Variants in STON2 observed in about 807,000 individuals in gnomAD.
STON2 encodes stonin-2.
A neutral mutation model predicts 65.7 loss-of-function variants in STON2; 29 were observed. That is an observed-to-expected ratio of 0.44 (90% confidence interval 0.33 to 0.60). STON2 has a LOEUF of 0.60. STON2 is among the 20% of genes least tolerant of loss of function. STON2 has a pLI of 0.03. For missense variants in STON2, 1,054 were observed against 1,118.1 expected, an observed-to-expected ratio of 0.94 and a Z score of 0.82; for synonymous variants, 404 against 414.2, an observed-to-expected ratio of 0.98 and a Z score of 0.30.
At chr14:81,307,732 G>A (rs773466177) in intron 5 of STON2, among the ~76,000 whole-genome samples, 2 of 152,112 alleles carry the variant, frequency 1.3e-5, no homozygotes, top group Non-Finnish European at 2.9e-5. Flanking sequence ...TTACACTTAA[G>A]GAACAGTAAA....
At chr14:81,413,497 T>C (rs956159805) in intron 2 of STON2, among the ~76,000 whole-genome samples, 1 of 140,240 alleles carries the variant, frequency 7.1e-6, no homozygotes, top group Non-Finnish European at 1.5e-5. Flanking sequence ...TCCATTCCTT[T>C]AAAAAATAAA....
At chr14:81,377,962 C>T (rs1595416969) in intron 3 of STON2, among the ~76,000 whole-genome samples, 1 of 152,030 alleles carries the variant, frequency 6.6e-6, no homozygotes, top group African/African-American at 2.4e-5. Context: ...ATTCTCCTGC[C>T]TCAGCCTCCC....
At chr14:81,407,603 G>C (rs1056978804) in intron 2 of STON2, among the ~76,000 whole-genome samples, 3 of 152,146 alleles carry the variant, frequency 2.0e-5, no homozygotes, top group African/African-American at 7.2e-5. Flanking sequence ...CCACTGTCCA[G>C]TCATCTGTTT....
chr14:81,300,144 C>T (rs1022349530), intron 5 of STON2, among the ~76,000 whole-genome samples: 4 of 151,908 alleles, frequency 2.6e-5, no homozygotes, highest in Admixed American at 1.3e-4. Context: ...AGTGGACCCA[C>T]GCATGTAAAG....
intron 7 of STON2, chr14:81,270,405 C>T: frequency 7.2e-7 from 1 of 1,397,688 alleles, no homozygotes; most frequent in Non-Finnish European, 9.3e-7. Flanking sequence ...TTTTTGTTGT[C>T]ATTGCTCATA....
chr14:81,390,366 A>C (rs1900022543), intron 3 of STON2, among the ~76,000 whole-genome samples: 1 of 152,208 alleles, frequency 6.6e-6, no homozygotes, highest in South Asian at 2.1e-4. Context: ...ATGTCTTTGA[A>C]TATCCACACC....
intron 5 of STON2, among the ~76,000 whole-genome samples, chr14:81,305,684 T>G (rs573920969): frequency 6.6e-6 from 1 of 152,230 alleles, no homozygotes; most frequent in African/African-American, 2.4e-5. Flanking sequence ...ATGGTGGCTT[T>G]TGCTTAATAG....
chr14:81,365,271 C>T lies in STON2; in HGVS notation c.571+5717G>A, dbSNP rs569596000. The stretch of plus-strand genomic sequence containing the variant: ...TGGGTCTCTTCTTCAGTCTCGTGAA[C>T]CTGGTGCCATCCCCACTAGAGTTGA... On this transcript the variant is annotated intron_variant, in intron 4 of 7. Transcript: ENST00000614646. Among the ~76,000 whole-genome samples, 146 of 152,238 alleles carry T rather than the reference C, an allele frequency of 9.6e-4. 1 individual carries two copies. The highest frequency in any genetic ancestry group is 6.8e-3 in the Middle Eastern group (2 of 294).
chr14:81,365,882 T>C (rs556497572), intron 4 of STON2, among the ~76,000 whole-genome samples: 2 of 152,326 alleles, frequency 1.3e-5, no homozygotes, highest in Admixed American at 1.3e-4. Flanking sequence ...GGCAGAAGGT[T>C]TGCTTTTATT....
At chr14:81,338,663 G>A (rs951489759) in intron 4 of STON2, among the ~76,000 whole-genome samples, 3 of 152,186 alleles carry the variant, frequency 2.0e-5, no homozygotes, top group Non-Finnish European at 4.4e-5. Flanking sequence ...TGTGGACTGA[G>A]TCCTCAGCCT....
At position 81,329,015 on chromosome 14, in the gene STON2, A is replaced by G. The variant is rs555301978; in HGVS notation, c.572-4828T>C. Among the ~76,000 whole-genome samples the G allele has an allele frequency of 1.1e-4, 17 of 152,280 alleles. 1 individual carries two copies. In the South Asian group the frequency reaches 3.5e-3, roughly 32 times the overall value. ...CTCAGGTATCCCTCTATAGCAACACAAAATAGACTACGATGTTGAAGTCCT... is the reference window on the plus strand; with the variant it reads ...CTCAGGTATCCCTCTATAGCAACACGAAATAGACTACGATGTTGAAGTCCT... On this transcript the variant is annotated intron_variant, in intron 4 of 7. Coordinates refer to ENST00000614646, the MANE Select transcript of STON2 (RefSeq NM_001394390.1).
intron 1 of STON2, among the ~76,000 whole-genome samples, chr14:81,428,743 A>C (rs905477234): frequency 1.3e-5 from 2 of 152,142 alleles, no homozygotes; most frequent in Non-Finnish European, 2.9e-5. Context: ...AGAAACAAAA[A>C]CCAAAAAAAC....
At chr14:81,389,211 T>C (rs554569265) in intron 3 of STON2, among the ~76,000 whole-genome samples, 2 of 152,246 alleles carry the variant, frequency 1.3e-5, no homozygotes, top group African/African-American at 4.8e-5. Flanking sequence ...CCAGTGATGC[T>C]GATGTGATTG....
intron 5 of STON2, among the ~76,000 whole-genome samples, chr14:81,280,677 AAAC>A (rs768076642): frequency 6.6e-6 from 1 of 152,228 alleles, no homozygotes; most frequent in Non-Finnish European, 1.5e-5. Context: ...TAATTTATTC[AAAC>A]AGATAGCAAT....
Position 81,371,114 on chromosome 14 carries a change from C to G in STON2, c.445G>C (p.Glu149Gln). The G allele has an allele frequency of 6.2e-7, 1 of 1,614,114 alleles. No individual in the cohort carries two copies. The highest frequency in any genetic ancestry group is 1.3e-5 in the African/African-American group (1 of 75,048). The stretch of plus-strand genomic sequence containing the variant: ...TCAGAATGGGTGGTCCAGCTGCTCT[C>G]AGAAGTCAGAGGGCATCTCCCCAGG... The part of the protein sequence containing the change: ...DSLGRCPLTS[E>Q]SSWTTHSEDT... Residue 149 changes from glutamate to glutamine, a missense_variant, in exon 4 of 8, where the codon GAG becomes CAG. By Grantham distance (29) the Glu-to-Gln change is conservative (BLOSUM62 2). Transcript: ENST00000614646.
At chr14:81,395,837 A>C in intron 3 of STON2, 57 bp downstream of exon 3, 1 of 1,575,648 alleles carries the variant, frequency 6.3e-7, no homozygotes, top group Non-Finnish European at 8.7e-7. Context: ...TAGACCTCTC[A>C]CTGAAAAGCA....
intron 2 of STON2, among the ~76,000 whole-genome samples, chr14:81,423,840 T>C (rs1278373649): frequency 6.6e-6 from 1 of 152,108 alleles, no homozygotes; most frequent in East Asian, 1.9e-4. Context: ...GGCATGTGGG[T>C]GTCTCCAACT....
Position 81,396,139 on chromosome 14 carries a change from G to T in STON2, c.128C>A (p.Pro43Gln). 6.2e-7 allele frequency: 1 copy of T among 1,613,946 alleles called. No homozygotes were observed. The highest frequency in any genetic ancestry group is 8.5e-7 in the Non-Finnish European group (1 of 1,179,950). ...CCCGGAGGAGCTCTCGGACTGGTCT[G>T]GGGAAGATGACAGTCCTGGGAGGTG... is the stretch of plus-strand genomic sequence containing the variant. The part of the protein sequence containing the change: ...EEHLPGLSSS[P>Q]DQSESSSGEN... The change falls in exon 3 of 8, where the codon CCA becomes CAA. Residue 43 changes from proline to glutamine, a missense_variant. Coordinates refer to ENST00000614646, the MANE Select transcript of STON2 (RefSeq NM_001394390.1).
At chr14:81,418,523 T>A (rs370941127) in intron 2 of STON2, among the ~76,000 whole-genome samples, 2 of 152,156 alleles carry the variant, frequency 1.3e-5, no homozygotes, top group African/African-American at 4.8e-5. Flanking sequence ...AGATTACAGT[T>A]TAAAGCTTAA....
Sources: allele counts gnomAD v4.1 joint callset (sites outside exome capture counted in the v4.1 genomes callset), GRCh38; gene constraint gnomAD v4.1.1; transcripts MANE v1.5; gene names NCBI Gene and HGNC (gene_info 2026-07-23, HGNC 2026-07-21).